FAM184A: variants seen among roughly 807,000 people sequenced by gnomAD.
FAM184A encodes the protein family with sequence similarity 184 member A.
Under a neutral mutation model 143.8 loss-of-function variants are expected in FAM184A, and 99 were observed. The ratio of observed to expected loss-of-function variants is 0.69; its 90% CI spans 0.58 to 0.81. The LOEUF is 0.81. Among genes scored for constraint, FAM184A ranks in the 40% least tolerant of loss-of-function variants. The pLI is 0.00. For synonymous variants in FAM184A, 427 were observed against 446.4 expected (o/e 0.96, Z 0.55); for missense variants, 1,217 against 1,310.5 (o/e 0.93, Z 1.10).
At chr6:119,017,927 C>G (rs1045550734) in intron 4 of FAM184A, among the ~76,000 whole-genome samples, 11 of 152,190 alleles carry the variant, frequency 7.2e-5, no homozygotes, top group African/African-American at 2.4e-4. Context: ...CGCTCTCTCT[C>G]TTGTCCTGTG....
intron 14 of FAM184A, among the ~76,000 whole-genome samples, chr6:118,971,247 A>C (rs936062836): frequency 2.6e-5 from 4 of 152,216 alleles, no homozygotes; most frequent in African/African-American, 9.7e-5. Context: ...ATCAAATGAC[A>C]ACAAAAACAA....
At chr6:119,068,716 A>C (rs1459447508) in intron 1 of FAM184A, among the ~76,000 whole-genome samples, 1 of 152,028 alleles carries the variant, frequency 6.6e-6, no homozygotes, top group Non-Finnish European at 1.5e-5. Flanking sequence ...CCTAACACAA[A>C]CACATTAACT....
At chr6:119,131,562 C>T (rs531015116) in intron 1 of FAM184A, among the ~76,000 whole-genome samples, 36 of 152,234 alleles carry the variant, frequency 2.4e-4, no homozygotes, top group African/African-American at 7.9e-4. Context: ...CACGGCTCCC[C>T]GCAGCTTCAA....
At chr6:118,996,144 A>G (rs1784539334) in intron 9 of FAM184A, among the ~76,000 whole-genome samples, 1 of 152,262 alleles carries the variant, frequency 6.6e-6, no homozygotes, top group Non-Finnish European at 1.5e-5. Context: ...ATATTAATTC[A>G]TAATAAAATT....
chr6:119,139,896 C>A (rs1238235094), intron 1 of FAM184A, among the ~76,000 whole-genome samples: 1 of 152,138 alleles, frequency 6.6e-6, no homozygotes, highest in Non-Finnish European at 1.5e-5. Flanking sequence ...AAAAATTAAC[C>A]CTTTCAGATG....
intron 1 of FAM184A, among the ~76,000 whole-genome samples, chr6:119,124,056 C>T (rs1400718928): frequency 1.3e-5 from 2 of 152,100 alleles, no homozygotes; most frequent in African/African-American, 4.8e-5. Context: ...GTTATAATAT[C>T]CACTTTGAAA....
chr6:119,106,864 C>A (rs1352983152), intron 1 of FAM184A, among the ~76,000 whole-genome samples: 1 of 152,124 alleles, frequency 6.6e-6, no homozygotes, highest in African/African-American at 2.4e-5. Flanking sequence ...TGAAAAAAAT[C>A]TGGTAAGTTA....
intron 1 of FAM184A, among the ~76,000 whole-genome samples, chr6:119,137,574 C>A (rs1313946064): frequency 6.6e-6 from 1 of 152,208 alleles, no homozygotes; most frequent in Non-Finnish European, 1.5e-5. Flanking sequence ...ACCATTCAGT[C>A]CACAGTAGGC....
intron 14 of FAM184A, among the ~76,000 whole-genome samples, chr6:118,972,097 T>A (rs1783714324): frequency 6.6e-6 from 1 of 152,198 alleles, no homozygotes; most frequent in Non-Finnish European, 1.5e-5. Flanking sequence ...GAACCAACTC[T>A]CCCTGCTCAC....
chr6:118,983,683 T>G (rs1310743541), intron 9 of FAM184A, among the ~76,000 whole-genome samples: 1 of 152,156 alleles, frequency 6.6e-6, no homozygotes, highest in African/African-American at 2.4e-5. Context: ...TTCTACTGGT[T>G]GATAGGTGCC....
At chr6:119,020,840 C>A (rs6931074) in intron 3 of FAM184A, among the ~76,000 whole-genome samples, 1 of 151,854 alleles carries the variant, frequency 6.6e-6, no homozygotes, top group South Asian at 2.1e-4. Flanking sequence ...ATAGCGAGAC[C>A]TCATCTCCAA....
chr6:119,145,888 G>A (rs189648309), intron 1 of FAM184A, among the ~76,000 whole-genome samples: 1 of 152,322 alleles, frequency 6.6e-6, no homozygotes, highest in Admixed American at 6.5e-5. Context: ...GATTTTTACA[G>A]GGAAGGAAAT....
chr6:119,095,944 T>C (rs1788496214), intron 1 of FAM184A, among the ~76,000 whole-genome samples: 1 of 152,214 alleles, frequency 6.6e-6, no homozygotes, highest in African/African-American at 2.4e-5. Flanking sequence ...AGTAGCAAGA[T>C]GTTGACTCTT....
intron 5 of FAM184A, among the ~76,000 whole-genome samples, chr6:119,014,513 T>C (rs193200376): frequency 2.6e-5 from 4 of 152,330 alleles, no homozygotes; most frequent in Admixed American, 2.6e-4. Flanking sequence ...CATAAATCAT[T>C]TTCTCAAAGA....
At chr6:119,011,649 G>T (rs1014074513) in intron 5 of FAM184A, among the ~76,000 whole-genome samples, 33 of 151,920 alleles carry the variant, frequency 2.2e-4, no homozygotes, top group Admixed American at 2.1e-3. Context: ...TTTTTAAATG[G>T]TGAGAACATG....
At position 118,986,482 on chromosome 6, in the gene FAM184A, C is replaced by T. The variant is rs899737639; in HGVS notation, c.2089-6132G>A. Among the ~76,000 whole-genome samples the T allele has an allele frequency of 9.2e-5, 14 of 152,126 alleles. 1 individual carries two copies. Among genetic ancestry groups the T allele is most frequent in the Admixed American group, 8.5e-4 (13 of 15,276 alleles). ...TGTACAGAGGGAGTGGGCAGGTGCTCATCCTGCAGAGCACGGCACTCTGAC... is the reference window on the plus strand; with the variant it reads ...TGTACAGAGGGAGTGGGCAGGTGCTTATCCTGCAGAGCACGGCACTCTGAC... On this transcript the variant is annotated intron_variant, in intron 9 of 17. Transcript: ENST00000338891.
At chr6:119,061,446 C>T (rs1466812879) in intron 1 of FAM184A, among the ~76,000 whole-genome samples, 1 of 151,464 alleles carries the variant, frequency 6.6e-6, no homozygotes, top group Non-Finnish European at 1.5e-5. Context: ...GCTTCAAATT[C>T]CTGGACTCAA....
At position 118,961,949 on chromosome 6, in the gene FAM184A, A is replaced by ATTC. The variant is rs755104527; in HGVS notation, c.3150_3152dup (p.Lys1050dup). 7 of 1,613,836 alleles carry ATTC rather than the reference A, an allele frequency of 4.3e-6. No individual in the cohort carries two copies. In the East Asian group the frequency reaches 1.3e-4, roughly 31 times the overall value. On this transcript the variant is annotated inframe_insertion, in exon 17 of 18. Coordinates refer to ENST00000338891, the MANE Select transcript of FAM184A (RefSeq NM_024581.6). ...CAAACCTGTTTGTTGGTGATTTATC[A>ATTC]TTCTTCTTCTTTTGCTGCATTAAAA...
intron 1 of FAM184A, among the ~76,000 whole-genome samples, chr6:119,030,819 A>C (rs779998391): frequency 1.1e-4 from 17 of 151,990 alleles, no homozygotes; most frequent in Non-Finnish European, 2.2e-4. Flanking sequence ...ACTTTAAAAG[A>C]CATTAAGAAA....
Sources: gnomAD v4.1 joint callset for allele counts (sites outside exome capture counted in the v4.1 genomes callset) on GRCh38, gnomAD v4.1.1 for gene constraint, MANE v1.5 for transcripts, NCBI Gene and HGNC (gene_info 2026-07-23, HGNC 2026-07-21) for gene names.